The following ZNF385D variants were observed in gnomAD, a reference collection of about 807,000 sequenced individuals.
ZNF385D encodes the protein zinc finger protein 659.
ZNF385D carries 15 observed loss-of-function variants against 35.8 expected under a neutral mutation model. The ratio of observed to expected loss-of-function variants is 0.42; its 90% CI spans 0.28 to 0.64. ZNF385D has a LOEUF of 0.64. Ranked by LOEUF, ZNF385D falls within the 30% of genes least tolerant of loss-of-function variation. The pLI is 0.23. For missense variants in ZNF385D, 474 were observed against 494.6 expected (o/e 0.96, Z 0.39); for synonymous variants, 212 against 186.8 (o/e 1.13, Z -1.10).
chr3:22,236,456 C>T (rs1699189641), intron 2 of ZNF385D, among the ~76,000 whole-genome samples: 1 of 152,094 alleles, frequency 6.6e-6, no homozygotes, highest in African/African-American at 2.4e-5. Flanking sequence ...CTAAGCCTCC[C>T]AAGTCATCGA....
chr3:22,336,712 T>C (rs548313884), intron 2 of ZNF385D, among the ~76,000 whole-genome samples: 1 of 151,842 alleles, frequency 6.6e-6, no homozygotes, highest in East Asian at 1.9e-4. Flanking sequence ...AAATATTTTA[T>C]TATAGCACTT....
chr3:22,255,753 A>T (rs1700282331), intron 2 of ZNF385D, among the ~76,000 whole-genome samples: 1 of 149,314 alleles, frequency 6.7e-6, no homozygotes, highest in African/African-American at 2.4e-5. Flanking sequence ...GTTTGTATTT[A>T]TTCTCTTGAG....
At chr3:22,263,707 C>T (rs373422238) in intron 2 of ZNF385D, among the ~76,000 whole-genome samples, 8 of 152,068 alleles carry the variant, frequency 5.3e-5, no homozygotes, top group Non-Finnish European at 1.2e-4. Flanking sequence ...GCCTTGGTTA[C>T]TCGAAAGCAG....
intron 3 of ZNF385D, among the ~76,000 whole-genome samples, chr3:22,033,359 G>GC (rs1282174138): frequency 6.6e-6 from 1 of 151,272 alleles, no homozygotes; most frequent in Non-Finnish European, 1.5e-5. Flanking sequence ...CCAAGATCAT[G>GC]CCACTGCACT....
At chr3:22,333,025 A>T (rs1213722315) in intron 2 of ZNF385D, among the ~76,000 whole-genome samples, 1 of 151,870 alleles carries the variant, frequency 6.6e-6, no homozygotes, top group Non-Finnish European at 1.5e-5. Context: ...CATTTTCTTC[A>T]TCAGAGAATG....
intron 3 of ZNF385D, among the ~76,000 whole-genome samples, chr3:22,141,513 G>C (rs17594039): frequency 0.16 from 24,080 of 152,054 alleles, 2,463 homozygotes; most frequent in Middle Eastern, 0.25. Context: ...AGATTAAGAA[G>C]GCCAATCCTC....
upstream of ZNF385D, among the ~76,000 whole-genome samples, chr3:21,753,693 G>A (rs1370456526): frequency 2.0e-5 from 3 of 151,986 alleles, no homozygotes; most frequent in African/African-American, 7.2e-5. Flanking sequence ...TGTTTTAATT[G>A]TATACTTTTT....
chr3:21,881,769 T>C (rs551459154), intron 3 of ZNF385D, among the ~76,000 whole-genome samples: 1 of 152,128 alleles, frequency 6.6e-6, no homozygotes, highest in East Asian at 1.9e-4. Context: ...CTAGATGCCA[T>C]TAAGCATATT....
rs948459016 is a variant in ZNF385D, at chr3:21,416,840, G to C, written c.*4374C>G. On this transcript the variant is annotated 3_prime_UTR_variant, in exon 8 of 8. Transcript: ENST00000281523. ...AGTCGGGACCCCTTCCTATTGAAGA[G>C]AGAAAGTGCAACAAAAGAAATAAGG... The C allele has an allele frequency of 7.2e-5, 11 of 152,114 alleles. No homozygotes were observed. The highest frequency in any genetic ancestry group is 2.7e-4 in the African/African-American group (11 of 41,412). 9.4% of individuals were successfully genotyped at this position (152,114 alleles called of 1,614,324 possible).
At chr3:22,299,907 TA>T (rs1702805540) in intron 2 of ZNF385D, among the ~76,000 whole-genome samples, 1 of 151,892 alleles carries the variant, frequency 6.6e-6, no homozygotes, top group Non-Finnish European at 1.5e-5. Flanking sequence ...TCTACAAATT[TA>T]ATGCAATACT....
intron 3 of ZNF385D, among the ~76,000 whole-genome samples, chr3:22,005,801 A>C (rs1696163954): frequency 6.6e-6 from 1 of 151,760 alleles, no homozygotes; most frequent in Non-Finnish European, 1.5e-5. Flanking sequence ...TATTTTACTG[A>C]AAATCCTCAT....
intron 2 of ZNF385D, among the ~76,000 whole-genome samples, chr3:22,339,053 A>C (rs762151233): frequency 1.3e-5 from 2 of 152,140 alleles, no homozygotes; most frequent in Non-Finnish European, 2.9e-5. Flanking sequence ...ATATATATAG[A>C]GAGATGATAG....
At chr3:22,360,003 G>A (rs1211305867) in intron 2 of ZNF385D, among the ~76,000 whole-genome samples, 1 of 151,890 alleles carries the variant, frequency 6.6e-6, no homozygotes, top group East Asian at 1.9e-4. Flanking sequence ...TGGGAGGCTA[G>A]AGCAAAGCTG....
chr3:21,757,274 C>G (rs2070386890), intron 3 of ZNF385D, among the ~76,000 whole-genome samples: 1 of 151,954 alleles, frequency 6.6e-6, no homozygotes, highest in Non-Finnish European at 1.5e-5. Flanking sequence ...ACAGCTTCAG[C>G]TGGGACTACA....
chr3:22,169,215 A>G (rs1706529389), intron 2 of ZNF385D, among the ~76,000 whole-genome samples: 1 of 152,228 alleles, frequency 6.6e-6, no homozygotes, highest in Admixed American at 6.5e-5. Flanking sequence ...TTAATGGAAT[A>G]TAAATGGCAA....
chr3:21,870,487 C>T (rs1459790286), intron 3 of ZNF385D, among the ~76,000 whole-genome samples: 2 of 152,086 alleles, frequency 1.3e-5, no homozygotes, highest in Non-Finnish European at 2.9e-5. Flanking sequence ...TCAACATGTA[C>T]GTAAACGTGA....
intron 3 of ZNF385D, among the ~76,000 whole-genome samples, chr3:21,932,578 G>C (rs560499955): frequency 3.9e-5 from 6 of 152,040 alleles, no homozygotes; most frequent in South Asian, 2.1e-4. Context: ...GGCTGATTAC[G>C]TGGGGAGACA....
chr3:22,184,551 T>C (rs1695498246), intron 2 of ZNF385D, among the ~76,000 whole-genome samples: 1 of 151,990 alleles, frequency 6.6e-6, no homozygotes. Flanking sequence ...CGGGGCCAGG[T>C]ACAGTGGCTC....
Position 22,168,815 on chromosome 3 carries a change from ACCATTGTCATTTTTCAGCGTC to A in ZNF385D, c.306_325+1del, listed in dbSNP as rs1184028614. ...TGAGAAAATATTTTTAGAAAAGCTTACCATTGTCATTTTTCAGCGTCCCATTGCTGAGTTGTTTTAATCTCT... is the reference window on the plus strand; with the variant it reads ...TGAGAAAATATTTTTAGAAAAGCTTACCATTGCTGAGTTGTTTTAATCTCT... On this transcript the variant is annotated splice_donor_variant and coding_sequence_variant, in exon 3 of 6. Coordinates refer to the ZNF385D transcript ENST00000494108. LOFTEE classifies it high-confidence loss of function. 1 of 985,590 alleles carries A rather than the reference ACCATTGTCATTTTTCAGCGTC, an allele frequency of 1.0e-6. No homozygotes were observed. Among genetic ancestry groups the A allele is most frequent in the Non-Finnish European group, 1.2e-6 (1 of 829,794 alleles). The allele number at this position is 985,590 out of a possible 1,614,324, so 61.1% of individuals were successfully genotyped here. A position where few individuals can be genotyped will look rare whatever the true frequency, so the allele number is the denominator to read the frequency against.
Sources: allele counts gnomAD v4.1 joint callset (sites outside exome capture counted in the v4.1 genomes callset), GRCh38; gene constraint gnomAD v4.1.1; transcripts MANE v1.5; gene names NCBI Gene and HGNC (gene_info 2026-07-23, HGNC 2026-07-21).